Variants in PHEX observed in about 807,000 individuals in gnomAD.
PHEX encodes the protein phosphate-regulating neutral endopeptidase PHEX.
Under a neutral mutation model 68.0 loss-of-function variants are expected in PHEX, and 16 were observed. That is an observed-to-expected ratio of 0.24 (90% CI 0.16 to 0.36). PHEX has a LOEUF of 0.36. Among genes scored for constraint, PHEX ranks in the 10% least tolerant of loss-of-function variants. The pLI, the probability that PHEX is intolerant of heterozygous loss-of-function variation, is 1.00. For synonymous variants in PHEX, 208 were observed against 205.1 expected (o/e 1.01, Z -0.12); for missense variants, 480 against 575.5 (o/e 0.83, Z 1.70).
chrX:22,099,019 G>T lies in PHEX; in HGVS notation c.947G>T (p.Gly316Val), dbSNP rs763042990. The change falls in exon 9 of 22, where the codon GGC (glycine) becomes GTC (valine). Residue 316 changes from glycine to valine, a missense_variant. Physicochemically the swap from Gly to Val is moderately radical, Grantham distance 109. Transcript: ENST00000379374. ...SAMIPQFDWLGYIKKVIDTRL... is the reference protein window; with the variant it reads ...SAMIPQFDWLVYIKKVIDTRL... ...CTCTCCCCTCAGTTCGACTGGCTGGGCTACATCAAGAAGGTCATTGACACC... is the reference window on the plus strand; with the variant it reads ...CTCTCCCCTCAGTTCGACTGGCTGGTCTACATCAAGAAGGTCATTGACACC... The T allele has an allele frequency of 3.5e-5, 42 of 1,206,755 alleles. No homozygotes were observed. The East Asian group carries it at 1.2e-3, about 35-fold the overall frequency.
intron 6 of PHEX, among the ~76,000 whole-genome samples, chrX:22,090,958 G>T (rs749000639): frequency 2.7e-5 from 3 of 111,625 alleles, no homozygotes; most frequent in Non-Finnish European, 5.6e-5. Context: ...TAGGGTCTGA[G>T]AATCTATATT....
chrX:22,222,768 AT>A (rs1256662478), intron 18 of PHEX, among the ~76,000 whole-genome samples: 1 of 111,948 alleles, frequency 8.9e-6, no homozygotes, highest in Non-Finnish European at 1.9e-5. Context: ...AAACAAATGT[AT>A]CCCCATACTA....
intron 3 of PHEX, among the ~76,000 whole-genome samples, chrX:22,051,512 C>G (rs2146992022): frequency 9.0e-6 from 1 of 111,514 alleles, no homozygotes; most frequent in Admixed American, 9.5e-5. Context: ...GTCTGAGTGA[C>G]AGAGTAAAAT....
intron 13 of PHEX, among the ~76,000 whole-genome samples, chrX:22,176,215 C>T (rs1933688388): frequency 9.1e-6 from 1 of 109,290 alleles, no homozygotes; most frequent in Non-Finnish European, 1.9e-5. Context: ...GGCAAGACCG[C>T]ATCTCTACTA....
At chrX:22,149,555 A>G (rs1392609714) in intron 12 of PHEX, among the ~76,000 whole-genome samples, 2 of 112,260 alleles carry the variant, frequency 1.8e-5, no homozygotes, top group Non-Finnish European at 3.8e-5. Flanking sequence ...GGAGTTCGAG[A>G]CCAGCCTGGC....
intron 12 of PHEX, among the ~76,000 whole-genome samples, chrX:22,134,230 A>G (rs1375623462): frequency 1.8e-5 from 2 of 112,099 alleles, no homozygotes; most frequent in Non-Finnish European, 3.8e-5. Context: ...GCCTTGTAAA[A>G]TTTTCTGATA....
At chrX:22,176,719 G>A (rs1379945449) in intron 13 of PHEX, among the ~76,000 whole-genome samples, 4 of 110,216 alleles carry the variant, frequency 3.6e-5, no homozygotes, top group African/African-American at 1.3e-4. Flanking sequence ...ACATAGGTAC[G>A]CATCCATCAA....
At chrX:22,219,763 C>T in intron 17 of PHEX, among the ~76,000 whole-genome samples, 1 of 111,117 alleles carries the variant, frequency 9.0e-6, no homozygotes. Flanking sequence ...GGATTACGGG[C>T]ACGTGCCACT....
intron 3 of PHEX, among the ~76,000 whole-genome samples, chrX:22,063,867 G>A (rs750062453): frequency 8.9e-6 from 1 of 112,839 alleles, no homozygotes; most frequent in Non-Finnish European, 1.9e-5. Flanking sequence ...TTCTTCTGAA[G>A]TGGTAGCTAT....
At chrX:22,127,846 A>G (rs1931802521) in intron 11 of PHEX, among the ~76,000 whole-genome samples, 1 of 110,812 alleles carries the variant, frequency 9.0e-6, no homozygotes, top group Non-Finnish European at 1.9e-5. Context: ...GAGGGCCACA[A>G]AGAGTGAGTT....
intron 9 of PHEX, among the ~76,000 whole-genome samples, chrX:22,103,782 C>CT (rs1200656408): frequency 3.6e-5 from 4 of 111,760 alleles, no homozygotes; most frequent in Non-Finnish European, 7.5e-5. Flanking sequence ...GAGCTAGTAT[C>CT]TTTTTTGTAT....
At chrX:22,096,102 G>A (rs1294837902) in intron 7 of PHEX, among the ~76,000 whole-genome samples, 4 of 111,739 alleles carry the variant, frequency 3.6e-5, no homozygotes, top group African/African-American at 1.3e-4. Context: ...GCAAGAGTCG[G>A]AGAGTCATGT....
At chrX:22,045,107 T>C (rs1927469312) in intron 2 of PHEX, among the ~76,000 whole-genome samples, 1 of 110,729 alleles carries the variant, frequency 9.0e-6, no homozygotes. Context: ...AGAATGTTTT[T>C]ATATTATTCA....
intron 17 of PHEX, among the ~76,000 whole-genome samples, chrX:22,220,185 A>T (rs1254746753): frequency 9.0e-6 from 1 of 111,509 alleles, no homozygotes; most frequent in Non-Finnish European, 1.9e-5. Context: ...ATTTACAGGC[A>T]GTCTCAGGAA....
At chrX:22,067,488 GTCC>G (rs1489199865) in intron 3 of PHEX, among the ~76,000 whole-genome samples, 1 of 111,445 alleles carries the variant, frequency 9.0e-6, no homozygotes, top group Non-Finnish European at 1.9e-5. Flanking sequence ...AGTGTTTAGT[GTCC>G]TCCTTGAAGA....
intron 15 of PHEX, among the ~76,000 whole-genome samples, chrX:22,195,989 C>A (rs1934356275): frequency 9.0e-6 from 1 of 111,219 alleles, no homozygotes; most frequent in Non-Finnish European, 1.9e-5. Context: ...CTAGCCTGGG[C>A]CATATAGCAA....
chrX:22,058,797 T>A (rs1375723683), intron 3 of PHEX, among the ~76,000 whole-genome samples: 1 of 112,007 alleles, frequency 8.9e-6, no homozygotes, highest in African/African-American at 3.3e-5. Context: ...CTTAAAAAAA[T>A]TCTACCAATT....
intron 12 of PHEX, among the ~76,000 whole-genome samples, chrX:22,165,636 T>G (rs773562219): frequency 9.0e-6 from 1 of 111,283 alleles, no homozygotes; most frequent in African/African-American, 3.3e-5. Context: ...GTGTTGGCCA[T>G]TAGAAAAGAA....
rs777112522 is a variant in PHEX at position 22,245,421 on chromosome X, A to C, written c.2147+12A>C. 4 of 1,140,547 alleles carry C rather than the reference A, an allele frequency of 3.5e-6. No homozygotes were observed. Among genetic ancestry groups the C allele is most frequent in the Non-Finnish European group, 4.8e-6 (4 of 830,994 alleles). The allele number at this position is 1,140,547 out of a possible 1,213,427, so 94.0% of individuals were successfully genotyped here. ...CCCCCTCAGTTTAGGTAAATGGGCAAATGGGTGACGGCAGTTTTTAACTGT... is the reference window on the plus strand; with the variant it reads ...CCCCCTCAGTTTAGGTAAATGGGCACATGGGTGACGGCAGTTTTTAACTGT... On this transcript the variant is annotated intron_variant, in intron 21 of 21. Transcript: ENST00000379374.
Sources: gnomAD v4.1 joint callset for allele counts (sites outside exome capture counted in the v4.1 genomes callset) on GRCh38, gnomAD v4.1.1 for gene constraint, MANE v1.5 for transcripts, NCBI Gene and HGNC (gene_info 2026-07-23, HGNC 2026-07-21) for gene names.